Variants in LINGO2 observed in about 807,000 individuals in gnomAD.
The protein encoded by LINGO2 is leucine-rich repeat and immunoglobulin-like domain-containing nogo receptor-interacting protein 2.
LINGO2 carries 14 observed loss-of-function variants against 30.6 expected under a neutral mutation model. The ratio of observed to expected loss-of-function variants is 0.46; its 90% CI spans 0.30 to 0.72. The LOEUF (loss-of-function observed/expected upper bound fraction) is 0.72. LINGO2 is among the 30% of genes least tolerant of loss of function. The probability of loss-of-function intolerance (pLI) is 0.07; values close to 1 mark genes in which losing one functional copy is unlikely to be tolerated. For missense variants in LINGO2, 729 were observed against 751.7 expected (o/e 0.97, Z 0.35); for synonymous variants, 317 against 288.5 (o/e 1.10, Z -1.00).
intron 1 of LINGO2, among the ~76,000 whole-genome samples, chr9:28,481,150 C>T (rs1419014888): frequency 6.6e-6 from 1 of 152,090 alleles, no homozygotes; most frequent in Admixed American, 6.6e-5. Context: ...TTTGATTTAC[C>T]TTTTTGGGCT....
At chr9:29,209,312 T>A in the LINGO2 span, among the ~76,000 whole-genome samples, 1 of 152,268 alleles carries the variant, frequency 6.6e-6, no homozygotes, top group East Asian at 1.9e-4. Flanking sequence ...AATAAACTGA[T>A]GACTCGAACT....
At chr9:29,080,756 G>C in the LINGO2 span, among the ~76,000 whole-genome samples, 29,971 of 151,948 alleles carry the variant, frequency 0.2, 3,096 homozygotes, top group African/African-American at 0.24. Flanking sequence ...GAGCGGTTTT[G>C]AGTGAGTTTC....
At chr9:28,844,298 G>T in the LINGO2 span, among the ~76,000 whole-genome samples, 1 of 151,854 alleles carries the variant, frequency 6.6e-6, no homozygotes, top group African/African-American at 2.4e-5. Context: ...GGAGGTGGAG[G>T]TTGCAGTGAG....
At chr9:28,521,925 G>A (rs1028626334) in intron 1 of LINGO2, among the ~76,000 whole-genome samples, 1 of 152,298 alleles carries the variant, frequency 6.6e-6, no homozygotes, top group East Asian at 1.9e-4. Flanking sequence ...GCCAAGGATT[G>A]TCAATAGCCA....
At chr9:28,535,702 GCACACACACACACACGTGTGGACGCA>G (rs1458363277) in intron 1 of LINGO2, among the ~76,000 whole-genome samples, 1 of 147,794 alleles carries the variant, frequency 6.8e-6, no homozygotes, top group Non-Finnish European at 1.5e-5. Context: ...GTACGTGCAT[GCACACACACACACACGTGTGGACGCA>G]CACACACACA....
chr9:28,495,964 T>C (rs7039164), intron 1 of LINGO2, among the ~76,000 whole-genome samples: 27,823 of 151,768 alleles, frequency 0.18, 2,898 homozygotes, highest in East Asian at 0.31. Context: ...TGTAGTTGAG[T>C]GGTTTTGAGT....
the LINGO2 span, among the ~76,000 whole-genome samples, chr9:28,984,255 A>C: frequency 6.6e-6 from 1 of 152,100 alleles, no homozygotes; most frequent in Non-Finnish European, 1.5e-5. Context: ...GGGATTTTTG[A>C]AGTTTTCATA....
At chr9:28,218,281 A>ATTT (rs5897278) in intron 4 of LINGO2, among the ~76,000 whole-genome samples, 1 of 149,288 alleles carries the variant, frequency 6.7e-6, no homozygotes, top group South Asian at 2.1e-4. Flanking sequence ...TGAATTTCTA[A>ATTT]TTTTTTTTTT....
chr9:28,255,093 A>T (rs575216237), intron 4 of LINGO2, among the ~76,000 whole-genome samples: 2 of 152,034 alleles, frequency 1.3e-5, no homozygotes, highest in Non-Finnish European at 2.9e-5. Flanking sequence ...TCCCAATTTT[A>T]TTTCAAAATA....
chr9:28,748,185 C>T, the LINGO2 span, among the ~76,000 whole-genome samples: 1 of 151,950 alleles, frequency 6.6e-6, no homozygotes, highest in African/African-American at 2.4e-5. Flanking sequence ...GCTACTTCAA[C>T]AACAACAAAA....
At chr9:28,591,117 A>G (rs564359352) in intron 1 of LINGO2, among the ~76,000 whole-genome samples, 5 of 148,484 alleles carry the variant, frequency 3.4e-5, no homozygotes, top group Admixed American at 1.3e-4. Flanking sequence ...ATGAGAACAC[A>G]TGGACACAGG....
chr9:28,276,947 T>C (rs910693750), intron 4 of LINGO2, among the ~76,000 whole-genome samples: 2 of 152,196 alleles, frequency 1.3e-5, no homozygotes, highest in Non-Finnish European at 2.9e-5. Flanking sequence ...GGAGGTGCCA[T>C]GTTGGGGGCA....
intron 2 of LINGO2, among the ~76,000 whole-genome samples, chr9:28,439,582 T>G (rs369319426): frequency 4.0e-4 from 61 of 152,170 alleles, no homozygotes; most frequent in Middle Eastern, 3.4e-3. Context: ...GAGATCTAGT[T>G]GTTTTAAAGC....
intron 2 of LINGO2, among the ~76,000 whole-genome samples, chr9:28,373,167 C>G (rs941040884): frequency 6.6e-6 from 1 of 151,986 alleles, no homozygotes; most frequent in African/African-American, 2.4e-5. Context: ...GTTTAATAAA[C>G]ATGATTAAAT....
chr9:28,782,547 G>C, the LINGO2 span, among the ~76,000 whole-genome samples: 1 of 151,996 alleles, frequency 6.6e-6, no homozygotes, highest in Non-Finnish European at 1.5e-5. Flanking sequence ...TGTTGTGACA[G>C]TAGATCCACA....
chr9:27,937,950 T>C, the LINGO2 span: 1 of 152,162 alleles, frequency 6.6e-6, no homozygotes, highest in Admixed American at 6.6e-5. Flanking sequence ...AGGGGATGTA[T>C]GTTAAAACAA....
the LINGO2 span, among the ~76,000 whole-genome samples, chr9:28,980,665 T>G: frequency 6.6e-6 from 1 of 152,130 alleles, no homozygotes; most frequent in Non-Finnish European, 1.5e-5. Flanking sequence ...CTCTCTTCTC[T>G]TTAACTATTT....
intron 5 of LINGO2, among the ~76,000 whole-genome samples, chr9:27,966,401 T>A (rs889527618): frequency 6.6e-6 from 1 of 152,124 alleles, no homozygotes; most frequent in Non-Finnish European, 1.5e-5. Flanking sequence ...TAAAAAAGAA[T>A]CAGTTAACGT....
chr9:28,328,489 G>A (rs2134332962), intron 3 of LINGO2, among the ~76,000 whole-genome samples: 1 of 151,890 alleles, frequency 6.6e-6, no homozygotes, highest in African/African-American at 2.4e-5. Flanking sequence ...TAAGGGGCTG[G>A]TTATTATTGT....
Sources: gnomAD v4.1 joint callset for allele counts (sites outside exome capture counted in the v4.1 genomes callset) on GRCh38, gnomAD v4.1.1 for gene constraint, MANE v1.5 for transcripts, NCBI Gene and HGNC (gene_info 2026-07-23, HGNC 2026-07-21) for gene names.